The following LRRTM4 variants were observed in gnomAD, a reference collection of about 807,000 sequenced individuals.
The protein encoded by LRRTM4 is leucine-rich repeat transmembrane neuronal protein 4.
LRRTM4 carries 25 observed loss-of-function variants against 47.6 expected under a neutral mutation model. The ratio of observed to expected loss-of-function variants is 0.53; its 90% confidence interval spans 0.38 to 0.73. The LOEUF is 0.73. Among genes scored for constraint, LRRTM4 ranks in the 30% least tolerant of loss-of-function variants. The probability of loss-of-function intolerance (pLI) is 0.00; values close to 1 mark genes in which losing one functional copy is unlikely to be tolerated. For synonymous variants in LRRTM4, 311 were observed against 269.5 expected, an observed-to-expected ratio of 1.15 and a Z score of -1.51; for missense variants, 638 against 713.4, an observed-to-expected ratio of 0.89 and a Z score of 1.20.
chr2:76,997,830 C>T (rs754745516), intron 3 of LRRTM4, among the ~76,000 whole-genome samples: 1 of 151,908 alleles, frequency 6.6e-6, no homozygotes, highest in Non-Finnish European at 1.5e-5. Flanking sequence ...GCATTGCTGC[C>T]TGAGTTCCAC....
chr2:76,937,938 T>C (rs1217844271), intron 3 of LRRTM4, among the ~76,000 whole-genome samples: 2 of 152,074 alleles, frequency 1.3e-5, no homozygotes, highest in Non-Finnish European at 2.9e-5. Flanking sequence ...AAAGTATAAC[T>C]TACGAAAAAT....
intron 3 of LRRTM4, among the ~76,000 whole-genome samples, chr2:77,441,787 G>A (rs530393720): frequency 6.6e-6 from 1 of 152,220 alleles, no homozygotes; most frequent in South Asian, 2.1e-4. Context: ...GCTTGAATAC[G>A]TGTAAACTTG....
chr2:77,455,897 G>A (rs1250930459), intron 3 of LRRTM4, among the ~76,000 whole-genome samples: 1 of 151,872 alleles, frequency 6.6e-6, no homozygotes, highest in East Asian at 1.9e-4. Flanking sequence ...TTACTTTTAT[G>A]GCTTCTCTCC....
intron 3 of LRRTM4, among the ~76,000 whole-genome samples, chr2:77,073,219 A>G (rs1350860676): frequency 2.0e-5 from 3 of 152,046 alleles, no homozygotes; most frequent in Non-Finnish European, 4.4e-5. Flanking sequence ...ATATTCATAG[A>G]ACTTGACAAT....
At chr2:76,935,795 A>C (rs1371815523) in intron 3 of LRRTM4, among the ~76,000 whole-genome samples, 1 of 152,124 alleles carries the variant, frequency 6.6e-6, no homozygotes, top group African/African-American at 2.4e-5. Context: ...ACAAACAGAT[A>C]ATTTGACTTC....
At chr2:76,971,383 G>A (rs1402977674) in intron 3 of LRRTM4, among the ~76,000 whole-genome samples, 1 of 152,030 alleles carries the variant, frequency 6.6e-6, no homozygotes, top group African/African-American at 2.4e-5. Flanking sequence ...TTGGTGACAG[G>A]CAATTGGTGA....
rs35907246 is a variant in LRRTM4, at chr2:77,212,474, T to TAGAG, written c.1551+305840_1551+305843dup. ...TGGAATAATTATATATATATATATA[T>TAGAG]AGAGAGAGAGAGAGAGAGAGCGAGA... On this transcript the variant is annotated intron_variant, in intron 3 of 3. Coordinates refer to ENST00000409884, the MANE Select transcript of LRRTM4 (RefSeq NM_001134745.3). Among the ~76,000 whole-genome samples, 885 of 136,956 alleles carry TAGAG rather than the reference T, an allele frequency of 6.5e-3. 5 individuals are homozygous for TAGAG. The highest frequency in any genetic ancestry group is 0.021 in the African/African-American group (762 of 36,888). 89.8% of individuals were successfully genotyped at this position (136,956 alleles called of 152,430 possible).
intron 3 of LRRTM4, among the ~76,000 whole-genome samples, chr2:76,947,458 A>T (rs1288154686): frequency 6.6e-6 from 1 of 151,888 alleles, no homozygotes; most frequent in African/African-American, 2.4e-5. Flanking sequence ...TGTGGGAATA[A>T]TGAATTGTTC....
intron 3 of LRRTM4, among the ~76,000 whole-genome samples, chr2:76,871,590 T>C (rs1558704598): frequency 6.6e-6 from 1 of 152,130 alleles, no homozygotes; most frequent in Non-Finnish European, 1.5e-5. Flanking sequence ...TCCTATGATA[T>C]CTTCCTTTTG....
intron 3 of LRRTM4, among the ~76,000 whole-genome samples, chr2:76,805,687 C>A (rs1675930620): frequency 6.6e-6 from 1 of 152,142 alleles, no homozygotes; most frequent in Non-Finnish European, 1.5e-5. Flanking sequence ...ATTTAAGATA[C>A]TAATGACGCA....
intron 3 of LRRTM4, among the ~76,000 whole-genome samples, chr2:76,965,904 A>T (rs1377249471): frequency 1.3e-5 from 2 of 151,396 alleles, no homozygotes; most frequent in East Asian, 3.9e-4. Context: ...GAGTATCTAA[A>T]TTTGCCTTTG....
chr2:76,996,001 G>A (rs530486098), intron 3 of LRRTM4, among the ~76,000 whole-genome samples: 2 of 151,616 alleles, frequency 1.3e-5, no homozygotes, highest in South Asian at 2.1e-4. Flanking sequence ...TTTTAAAAAT[G>A]ATTATAAAGT....
intron 3 of LRRTM4, among the ~76,000 whole-genome samples, chr2:77,320,515 T>C (rs1677757915): frequency 6.6e-6 from 1 of 152,152 alleles, no homozygotes; most frequent in Non-Finnish European, 1.5e-5. Flanking sequence ...CCTACTTATT[T>C]TAAATTAAGA....
At position 77,159,932 on chromosome 2, in the gene LRRTM4, A is replaced by T. The variant is rs1310883152; in HGVS notation, c.1551+358386T>A. On this transcript the variant is annotated intron_variant, in intron 3 of 3. Coordinates refer to ENST00000409884, the MANE Select transcript of LRRTM4 (RefSeq NM_001134745.3). ...ACAGAATCAATCTAACACAATTCAG[A>T]TTGTGTAATGTCAATTGTTTTCTGG... Among the ~76,000 whole-genome samples the T allele has an allele frequency of 2.6e-5, 4 of 152,172 alleles. No individual in the cohort carries two copies. In the East Asian group the frequency reaches 7.7e-4, roughly 29 times the overall value.
In LRRTM4 at chr2:77,521,767, C is replaced by T; in HGVS notation, c.-96G>A. On this transcript the variant is annotated 5_prime_UTR_variant, in exon 2 of 4. Transcript: ENST00000409884. ...CCACCACCTTCATGACACAGTGCGG[C>T]TGTCATTCACACCATTCTGATCCCG... The T allele has an allele frequency of 2.9e-6, 4 of 1,370,356 alleles. No individual in the cohort carries two copies. The highest frequency in any genetic ancestry group is 2.3e-5 in the East Asian group (1 of 43,436). The allele number at this position is 1,370,356 out of a possible 1,614,324, so 84.9% of individuals were successfully genotyped here. A position where few individuals can be genotyped will look rare whatever the true frequency, so the allele number is the denominator to read the frequency against.
chr2:76,867,199 C>T (rs1328586787), intron 3 of LRRTM4, among the ~76,000 whole-genome samples: 3 of 151,868 alleles, frequency 2.0e-5, no homozygotes, highest in Admixed American at 1.3e-4. Flanking sequence ...CAAAGCTGCA[C>T]GTTCAGCGCA....
intron 3 of LRRTM4, among the ~76,000 whole-genome samples, chr2:77,160,757 T>C (rs1335047657): frequency 1.3e-5 from 2 of 152,166 alleles, no homozygotes; most frequent in African/African-American, 4.8e-5. Context: ...TAAATCCTGG[T>C]GCTTGCTTTG....
chr2:76,927,495 A>T (rs975822988), intron 3 of LRRTM4, among the ~76,000 whole-genome samples: 12 of 152,102 alleles, frequency 7.9e-5, no homozygotes, highest in African/African-American at 2.9e-4. Context: ...GGAATTGGAA[A>T]GGCTTCCTGG....
chr2:77,360,861 C>T (rs142846974), intron 3 of LRRTM4, among the ~76,000 whole-genome samples: 1 of 152,088 alleles, frequency 6.6e-6, no homozygotes, highest in African/African-American at 2.4e-5. Context: ...CTCCCCAATC[C>T]ATTATTTTCC....
Sources: gnomAD v4.1 joint callset for allele counts (sites outside exome capture counted in the v4.1 genomes callset) on GRCh38, gnomAD v4.1.1 for gene constraint, MANE v1.5 for transcripts, NCBI Gene and HGNC (gene_info 2026-07-23, HGNC 2026-07-21) for gene names.